Variants in SETBP1 observed in about 807,000 individuals in gnomAD.
SETBP1 encodes SET-binding protein.
SETBP1 carries 9 observed loss-of-function variants against 101.0 expected under a neutral mutation model. That is an observed-to-expected ratio of 0.09 (90% confidence interval 0.05 to 0.16). SETBP1 has a LOEUF of 0.16. Ranked by LOEUF, SETBP1 falls within the 10% of genes least tolerant of loss-of-function variation. SETBP1 has a pLI of 1.00. For synonymous variants in SETBP1, 818 were observed against 788.5 expected, an observed-to-expected ratio of 1.04 and a Z score of -0.63; for missense variants, 1,858 against 2,033.8, an observed-to-expected ratio of 0.91 and a Z score of 1.66.
At position 44,832,849 on chromosome 18, in the gene SETBP1, G is replaced by A. The variant is rs143417282; in HGVS notation, c.487-36381G>A. On this transcript the variant is annotated intron_variant, in intron 2 of 5. Transcript: ENST00000649279. ...CAAAATGCATGCTGTTCTGCAAGTCGGGTCTCAGCTCTCCCAGTCTTCTGG... is the reference window on the plus strand; with the variant it reads ...CAAAATGCATGCTGTTCTGCAAGTCAGGTCTCAGCTCTCCCAGTCTTCTGG... 4.5e-4 allele frequency among the ~76,000 whole-genome samples: 69 copies of A among 152,318 alleles called. 1 individual carries two copies. The highest frequency in any genetic ancestry group is 7.8e-4 in the Non-Finnish European group (53 of 68,030).
intron 5 of SETBP1, among the ~76,000 whole-genome samples, chr18:45,048,978 C>CAAAAAAAAAAAAAAAAAAAAAAAA (rs71177665): frequency 2.1e-5 from 1 of 46,636 alleles, no homozygotes; most frequent in African/African-American, 8.0e-5. Context: ...GACTCCGTCT[C>CAAAAAAAAAAAAAAAAAAAAAAAA]AAAAAAAAAA....
At chr18:44,769,603 G>A (rs1252970816) in intron 2 of SETBP1, among the ~76,000 whole-genome samples, 1 of 152,194 alleles carries the variant, frequency 6.6e-6, no homozygotes, top group Admixed American at 6.5e-5. Context: ...AGTATTGAGT[G>A]TGTATTTCTG....
chr18:44,744,793 A>AC lies in SETBP1; in HGVS notation c.486+42961_486+42962insC, dbSNP rs2144497521. ...TTAAAAAAAAAAAAACAAAAAAAAA[A>AC]ACGCTTTCTTCGTGCTTGCTTTCAG... On this transcript the variant is annotated intron_variant, in intron 2 of 5. Transcript: ENST00000649279. Among the ~76,000 whole-genome samples the AC allele has an allele frequency of 1.3e-5, 2 of 151,714 alleles. 1 individual carries two copies. Among genetic ancestry groups the AC allele is most frequent in the Middle Eastern group, 6.8e-3 (2 of 292 alleles).
intron 2 of SETBP1, among the ~76,000 whole-genome samples, chr18:44,769,464 A>C (rs1024139837): frequency 6.6e-6 from 1 of 152,250 alleles, no homozygotes; most frequent in African/African-American, 2.4e-5. Flanking sequence ...ATGATTTCTT[A>C]GGAATGTGTC....
chr18:45,003,450 A>G (rs891956652), intron 4 of SETBP1, among the ~76,000 whole-genome samples: 3 of 152,196 alleles, frequency 2.0e-5, no homozygotes, highest in Non-Finnish European at 2.9e-5. Context: ...CCTTTGTCCT[A>G]TTCAAGGAGC....
At chr18:44,766,280 G>T (rs1287578966) in intron 2 of SETBP1, among the ~76,000 whole-genome samples, 1 of 152,202 alleles carries the variant, frequency 6.6e-6, no homozygotes, top group Non-Finnish European at 1.5e-5. Flanking sequence ...TTCTGGTTGT[G>T]TGACCTTAGG....
chr18:44,878,812 A>G (rs1344942966), intron 3 of SETBP1, among the ~76,000 whole-genome samples: 3 of 152,186 alleles, frequency 2.0e-5, no homozygotes, highest in Non-Finnish European at 4.4e-5. Context: ...AAAGACATCC[A>G]TTGAGAGGTG....
chr18:44,701,403 C>T lies in SETBP1; in HGVS notation c.57C>T (p.Phe19=). Residue 19 remains phenylalanine, a synonymous_variant, in exon 2 of 6, where the codon TTC becomes TTT. Transcript: ENST00000649279. ...SSRQRGGESD[F]LPVSSAKPPA... is the part of the protein sequence containing the mutation. ...GGCAAAGAGGGGGCGAGTCAGACTT[C>T]CTGCCGGTCTCCTCAGCCAAGCCCC... The T allele has an allele frequency of 6.4e-7, 1 of 1,569,802 alleles. No individual in the cohort carries two copies. Among genetic ancestry groups the T allele is most frequent in the Non-Finnish European group, 8.7e-7 (1 of 1,155,954 alleles).
At chr18:44,945,048 A>C (rs1279076763) in intron 3 of SETBP1, among the ~76,000 whole-genome samples, 2 of 152,270 alleles carry the variant, frequency 1.3e-5, no homozygotes, top group East Asian at 3.9e-4. Flanking sequence ...GGTGCACAAC[A>C]TGCAGGTTTG....
intron 4 of SETBP1, among the ~76,000 whole-genome samples, chr18:45,002,449 C>A (rs921901034): frequency 2.6e-5 from 4 of 152,150 alleles, no homozygotes; most frequent in African/African-American, 9.7e-5. Context: ...TGCCTCAATA[C>A]TGTTCGTCCT....
At chr18:44,845,455 G>A (rs952170750) in intron 2 of SETBP1, among the ~76,000 whole-genome samples, 1 of 152,142 alleles carries the variant, frequency 6.6e-6, no homozygotes, top group African/African-American at 2.4e-5. Context: ...TCCCATTTAG[G>A]GTACCAAGAT....
chr18:45,026,505 A>C (rs967844212), intron 4 of SETBP1, among the ~76,000 whole-genome samples: 12 of 152,174 alleles, frequency 7.9e-5, no homozygotes, highest in Admixed American at 6.5e-5. Context: ...CCGAAGCTCC[A>C]ATATGTTCAG....
Position 44,900,245 on chromosome 18 carries a change from T to G in SETBP1, c.540+30962T>G, listed in dbSNP as rs1020182852. ...ACTTGCTATCTCAGAGGTTCTGGGGTTGGGCCCCAGCAATCTGTGTTTAAC... is the reference window on the plus strand; with the variant it reads ...ACTTGCTATCTCAGAGGTTCTGGGGGTGGGCCCCAGCAATCTGTGTTTAAC... On this transcript the variant is annotated intron_variant, in intron 3 of 5. Transcript: ENST00000649279. Among the ~76,000 whole-genome samples, 5 of 152,122 alleles carry G rather than the reference T, an allele frequency of 3.3e-5. No individual in the cohort carries two copies. The East Asian group carries it at 9.6e-4, about 29-fold the overall frequency.
chr18:44,721,849 C>A (rs1453107073), intron 2 of SETBP1, among the ~76,000 whole-genome samples: 1 of 152,228 alleles, frequency 6.6e-6, no homozygotes, highest in Non-Finnish European at 1.5e-5. Context: ...TCTGGCAAAT[C>A]TTGTTAGTGT....
chr18:44,949,975 A>C lies in SETBP1; in HGVS notation c.635A>C (p.Gln212Pro), dbSNP rs1156589431. Residue 212 changes from glutamine to proline, a missense_variant, in exon 4 of 6, where the codon CAA becomes CCA. Coordinates refer to ENST00000649279, the MANE Select transcript of SETBP1 (RefSeq NM_015559.3). ...TGDTLKPKHQ[Q>P]KSSSQNHMDW... ...GACACCTTAAAACCAAAGCACCAGC[A>C]AAAAAGCAGCAGCCAGAACCACATG... The C allele has an allele frequency of 6.2e-7, 1 of 1,614,172 alleles. No homozygotes were observed. Among genetic ancestry groups the C allele is most frequent in the Non-Finnish European group, 8.5e-7 (1 of 1,180,038 alleles).
rs868276471 is a variant in SETBP1 at position 45,028,368 on chromosome 18, C to T, written c.4001-10117C>T. ...TCATTTTTTATGGCTGCATAGTATT[C>T]CATGGTGTATATGTGCCACATTTTC... On this transcript the variant is annotated intron_variant, in intron 4 of 5. Coordinates refer to ENST00000649279, the MANE Select transcript of SETBP1 (RefSeq NM_015559.3). Among the ~76,000 whole-genome samples, 1,201 of 152,112 alleles carry T rather than the reference C, an allele frequency of 7.9e-3. 19 individuals are homozygous for T. Among genetic ancestry groups the T allele is most frequent in the African/African-American group, 0.027 (1,132 of 41,454 alleles).
chr18:45,063,588 G>A lies in SETBP1; in HGVS notation c.4681G>A (p.Ala1561Thr), dbSNP rs1356624472. 3.5e-6 allele frequency: 5 copies of A among 1,428,070 alleles called. No individual in the cohort carries two copies. Among genetic ancestry groups the A allele is most frequent in the Non-Finnish European group, 2.8e-6 (3 of 1,073,730 alleles). 88.5% of individuals were successfully genotyped at this position (1,428,070 alleles called of 1,614,324 possible). Residue 1561 changes from alanine (A) to threonine (T), a missense_variant, in exon 6 of 6, where the codon GCT (alanine) becomes ACT (threonine). By Grantham distance (58) the Ala-to-Thr change is moderately conservative. Around this residue, in one of 12 missense-constraint regions of SETBP1, gnomAD observed 178 missense variants for 189.1 expected, o/e 0.94. Coordinates refer to ENST00000649279, the MANE Select transcript of SETBP1 (RefSeq NM_015559.3). ...GAGGAAACACAAACCGCAGGCCCCCGCTCAGCCCCCACAGCAGTCGCCCCC... is the reference window on the plus strand; with the variant it reads ...GAGGAAACACAAACCGCAGGCCCCCACTCAGCCCCCACAGCAGTCGCCCCC... ...GKRKHKPQAPAQPPQQSPPQQ... is the reference protein window; with the variant it reads ...GKRKHKPQAPTQPPQQSPPQQ...
In SETBP1 at chr18:44,722,155, C is replaced by T. The variant is rs553917151; in HGVS notation, c.486+20323C>T. Among the ~76,000 whole-genome samples, 93 of 152,138 alleles carry T rather than the reference C, an allele frequency of 6.1e-4. 1 individual carries two copies. Among genetic ancestry groups the T allele is most frequent in the Non-Finnish European group, 3.2e-4 (22 of 68,044 alleles). On this transcript the variant is annotated intron_variant, in intron 2 of 5. Transcript: ENST00000649279. ...ATCTGCGTGGACATGCATGTGTGTACCGAAAAGAGCCCAGCATTGGTATGA... is the reference window on the plus strand; with the variant it reads ...ATCTGCGTGGACATGCATGTGTGTATCGAAAAGAGCCCAGCATTGGTATGA...
intron 3 of SETBP1, chr18:44,876,653 C>T (rs1426702300): frequency 1.9e-6 from 3 of 1,551,346 alleles, no homozygotes; most frequent in Non-Finnish European, 2.6e-6. Flanking sequence ...CAGGAACGTG[C>T]CATGTGCTTC....
Sources: allele counts gnomAD v4.1 joint callset (sites outside exome capture counted in the v4.1 genomes callset), GRCh38; gene constraint gnomAD v4.1.1; regional missense constraint gnomAD v4.1.1; transcripts MANE v1.5; gene names NCBI Gene and HGNC (gene_info 2026-07-23, HGNC 2026-07-21).